Variants in ARHGAP44 observed in about 807,000 individuals in gnomAD.
The protein encoded by ARHGAP44 is Rho GTPase activating protein 44.
A neutral mutation model predicts 106.8 loss-of-function variants in ARHGAP44; 43 were observed. The ratio of observed to expected loss-of-function variants is 0.40; its 90% confidence interval spans 0.32 to 0.52. The LOEUF (loss-of-function observed/expected upper bound fraction) is 0.52. ARHGAP44 is among the 20% of genes least tolerant of loss of function. The pLI, the probability that ARHGAP44 is intolerant of heterozygous loss-of-function variation, is 0.48. For missense variants in ARHGAP44, 866 were observed against 1,050.5 expected, an observed-to-expected ratio of 0.82 and a Z score of 2.43; for synonymous variants, 439 against 410.3, an observed-to-expected ratio of 1.07 and a Z score of -0.85.
intron 3 of ARHGAP44, among the ~76,000 whole-genome samples, chr17:12,907,059 C>G (rs2037572702): frequency 6.6e-6 from 1 of 152,070 alleles, no homozygotes; most frequent in Non-Finnish European, 1.5e-5. Context: ...TGGTGCCTGC[C>G]CTCCATAAAT....
At chr17:12,875,326 C>T (rs74966470) in intron 1 of ARHGAP44, among the ~76,000 whole-genome samples, 4 of 152,156 alleles carry the variant, frequency 2.6e-5, no homozygotes, top group Non-Finnish European at 5.9e-5. Flanking sequence ...GGCGTGGTGG[C>T]TCATGCTTAT....
At chr17:12,934,766 G>A (rs929168316) in intron 7 of ARHGAP44, among the ~76,000 whole-genome samples, 2 of 152,188 alleles carry the variant, frequency 1.3e-5, no homozygotes, top group Non-Finnish European at 2.9e-5. Flanking sequence ...ACAACACTAG[G>A]AGTGAACCCC....
intron 7 of ARHGAP44, among the ~76,000 whole-genome samples, chr17:12,939,979 C>A (rs992856171): frequency 6.6e-6 from 1 of 152,188 alleles, no homozygotes; most frequent in Non-Finnish European, 1.5e-5. Flanking sequence ...ATTGCTCCTG[C>A]AAATCCCAGT....
chr17:12,956,280 G>C (rs1374607608), intron 14 of ARHGAP44, among the ~76,000 whole-genome samples: 1 of 152,140 alleles, frequency 6.6e-6, no homozygotes, highest in Non-Finnish European at 1.5e-5. Flanking sequence ...GGTCAGGCAA[G>C]CTCTTAGACT....
chr17:12,931,506 AT>A (rs1162951215), intron 7 of ARHGAP44, among the ~76,000 whole-genome samples: 1 of 148,280 alleles, frequency 6.7e-6, no homozygotes, highest in African/African-American at 2.5e-5. Context: ...TTATTTATTT[AT>A]TTTTTTTGAG....
At chr17:12,895,096 A>G in intron 2 of ARHGAP44, 117 bp downstream of exon 2, 2 of 852,846 alleles carry the variant, frequency 2.3e-6, no homozygotes, top group Non-Finnish European at 1.8e-6. Context: ...GTGCCACTAC[A>G]CTCCAGCCTG....
At chr17:12,933,455 C>T (rs1310846678) in intron 7 of ARHGAP44, among the ~76,000 whole-genome samples, 3 of 152,226 alleles carry the variant, frequency 2.0e-5, no homozygotes, top group Non-Finnish European at 2.9e-5. Context: ...GCAGGTGCAG[C>T]ACTGCCTTCC....
intron 1 of ARHGAP44, among the ~76,000 whole-genome samples, chr17:12,878,843 A>C (rs938130288): frequency 6.6e-6 from 1 of 152,236 alleles, no homozygotes; most frequent in African/African-American, 2.4e-5. Context: ...TGATCATTAA[A>C]TGAGTTTATG....
At chr17:12,813,110 A>G (rs2034487096) in intron 1 of ARHGAP44, among the ~76,000 whole-genome samples, 1 of 152,126 alleles carries the variant, frequency 6.6e-6, no homozygotes, top group Non-Finnish European at 1.5e-5. Context: ...CGTCCTGCCC[A>G]CGCTATGTTT....
At chr17:12,813,380 A>G (rs1482747927) in intron 1 of ARHGAP44, among the ~76,000 whole-genome samples, 2 of 152,140 alleles carry the variant, frequency 1.3e-5, no homozygotes, top group Non-Finnish European at 2.9e-5. Context: ...GAAGGAAGAG[A>G]GAAAAACAAG....
chr17:12,973,097 A>C, intron 16 of ARHGAP44: 1 of 565,128 alleles, frequency 1.8e-6, no homozygotes. Context: ...ACCTGTGTGC[A>C]TGGTAGGGTA....
intron 18 of ARHGAP44, among the ~76,000 whole-genome samples, chr17:12,975,664 G>A (rs1598149510): frequency 1.3e-5 from 2 of 151,946 alleles, no homozygotes; most frequent in South Asian, 4.2e-4. Context: ...TGGGCGTGGT[G>A]GCGGGCGCCT....
In ARHGAP44 at chr17:12,974,167, G is replaced by A. The variant is rs1315908308; in HGVS notation, c.1620G>A (p.Pro540=). Residue 540 remains proline, a synonymous_variant, in exon 18 of 21, where the codon CCG becomes CCA. Coordinates refer to ENST00000379672, the MANE Select transcript of ARHGAP44 (RefSeq NM_014859.6). ...CCGGTCGGAAAGTGTCCTGCGCCCCGCCCTCCATGCAGCCTCCCGCCCCGC... is the reference window on the plus strand; with the variant it reads ...CCGGTCGGAAAGTGTCCTGCGCCCCACCCTCCATGCAGCCTCCCGCCCCGC... ...SSAGRKVSCA[P]PSMQPPAPPA... 1 of 1,552,730 alleles carries A rather than the reference G, an allele frequency of 6.4e-7. No individual in the cohort carries two copies. The highest frequency in any genetic ancestry group is 8.7e-7 in the Non-Finnish European group (1 of 1,148,720).
intron 3 of ARHGAP44, among the ~76,000 whole-genome samples, chr17:12,903,140 AGTGTGTGTGTGTGT>A (rs546197652): frequency 8.5e-4 from 49 of 57,594 alleles, no homozygotes; most frequent in South Asian, 5.7e-3. Context: ...AGAGAGAGAG[AGTGTGTGTGTGTGT>A]GTGTGTGTGT....
At chr17:12,969,278 C>T (rs1287738047) in intron 16 of ARHGAP44, among the ~76,000 whole-genome samples, 1 of 150,348 alleles carries the variant, frequency 6.7e-6, no homozygotes, top group Non-Finnish European at 1.5e-5. Context: ...GACCTGCGTT[C>T]ATTCTCTTTC....
intron 7 of ARHGAP44, among the ~76,000 whole-genome samples, chr17:12,933,633 C>CAATAAT (rs1380759654): frequency 1.3e-5 from 2 of 152,114 alleles, no homozygotes; most frequent in Admixed American, 1.3e-4. Flanking sequence ...GGTAATTTTT[C>CAATAAT]AATAAGAGGA....
At chr17:12,816,642 A>C (rs750682729) in intron 1 of ARHGAP44, among the ~76,000 whole-genome samples, 1 of 152,206 alleles carries the variant, frequency 6.6e-6, no homozygotes, top group Non-Finnish European at 1.5e-5. Context: ...AGTGGACTTC[A>C]AGGAAAATTA....
At chr17:12,806,607 C>T (rs1164994415) in intron 1 of ARHGAP44, among the ~76,000 whole-genome samples, 2 of 152,146 alleles carry the variant, frequency 1.3e-5, no homozygotes, top group African/African-American at 4.8e-5. Flanking sequence ...CTTGACATCT[C>T]CCCATAGTTT....
chr17:12,890,562 C>G (rs2037013978), intron 1 of ARHGAP44, among the ~76,000 whole-genome samples: 1 of 152,180 alleles, frequency 6.6e-6, no homozygotes, highest in Non-Finnish European at 1.5e-5. Context: ...ATTCTCCCCT[C>G]CTAGAGCTCT....
Sources: allele counts gnomAD v4.1 joint callset (sites outside exome capture counted in the v4.1 genomes callset), GRCh38; gene constraint gnomAD v4.1.1; transcripts MANE v1.5; gene names NCBI Gene and HGNC (gene_info 2026-07-23, HGNC 2026-07-21).